The following TAFA2 variants were observed in gnomAD, a reference collection of about 807,000 sequenced individuals.
TAFA2 encodes the protein TAFA chemokine like family member 2.
Under a neutral mutation model 18.8 loss-of-function variants are expected in TAFA2, and 7 were observed. That is an observed-to-expected ratio of 0.37 (90% CI 0.21 to 0.70). The LOEUF (loss-of-function observed/expected upper bound fraction) is 0.70. TAFA2 is among the 30% of genes least tolerant of loss of function. The pLI, the probability that TAFA2 is intolerant of heterozygous loss-of-function variation, is 0.53. For synonymous variants in TAFA2, 60 were observed against 54.2 expected, an observed-to-expected ratio of 1.11 and a Z score of -0.47; for missense variants, 122 against 158.1, an observed-to-expected ratio of 0.77 and a Z score of 1.23.
chr12:61,881,096 C>T (rs1218366947), intron 1 of TAFA2, among the ~76,000 whole-genome samples: 2 of 151,696 alleles, frequency 1.3e-5, no homozygotes, highest in Admixed American at 6.6e-5. Flanking sequence ...ATAATTCCTA[C>T]TAAATTTTTT....
chr12:61,991,754 T>A (rs915190451), intron 1 of TAFA2, among the ~76,000 whole-genome samples: 1 of 152,192 alleles, frequency 6.6e-6, no homozygotes, highest in Non-Finnish European at 1.5e-5. Context: ...TCTCTTGAAC[T>A]TTCTCTAATT....
chr12:61,783,733 G>A (rs1185084783), intron 2 of TAFA2, among the ~76,000 whole-genome samples: 1 of 151,214 alleles, frequency 6.6e-6, no homozygotes, highest in East Asian at 2.0e-4. Flanking sequence ...TTAACTCATT[G>A]AAATTCTTAC....
intron 2 of TAFA2, among the ~76,000 whole-genome samples, chr12:61,851,774 C>CAAAAAAAAAAAAAAAAAAAAAAAAA (rs55651727): frequency 1.4e-4 from 2 of 14,500 alleles, no homozygotes; most frequent in Non-Finnish European, 1.7e-4. Flanking sequence ...GACTCCATCT[C>CAAAAAAAAAAAAAAAAAAAAAAAAA]AAAAAAAAAA....
intron 1 of TAFA2, among the ~76,000 whole-genome samples, chr12:62,162,447 T>G (rs981001442): frequency 1.3e-5 from 2 of 152,206 alleles, no homozygotes; most frequent in Non-Finnish European, 2.9e-5. Context: ...CCTGCTTAGC[T>G]ATATAAGACT....
At chr12:62,136,616 C>T (rs1043335505) in intron 1 of TAFA2, among the ~76,000 whole-genome samples, 6 of 152,060 alleles carry the variant, frequency 3.9e-5, no homozygotes, top group Non-Finnish European at 5.9e-5. Context: ...ACACTATATA[C>T]GCAGAGAAGT....
intron 1 of TAFA2, among the ~76,000 whole-genome samples, chr12:61,869,747 C>T (rs890832208): frequency 7.2e-5 from 11 of 152,100 alleles, no homozygotes; most frequent in Non-Finnish European, 1.2e-4. Flanking sequence ...TTAAATCTTC[C>T]GTTCTATTGC....
At chr12:62,220,651 G>C (rs1410963869) in intron 1 of TAFA2, among the ~76,000 whole-genome samples, 1 of 152,188 alleles carries the variant, frequency 6.6e-6, no homozygotes, top group Admixed American at 6.5e-5. Context: ...CCACTCTGGT[G>C]GGAGATGTTG....
chr12:61,855,152 T>C lies in TAFA2; in HGVS notation c.106+12168A>G, dbSNP rs117050825. ...TTCTTGTCTCAGTTTGTCTTGGCAA[T>C]AAGCTGATGACATTTTTGCTTTCTC... On this transcript the variant is annotated intron_variant, in intron 2 of 4. Transcript: ENST00000416284. Among the ~76,000 whole-genome samples the C allele has an allele frequency of 0.011, 1,626 of 152,298 alleles. 54 individuals are homozygous for C. The East Asian group carries it at 0.12, about 11-fold the overall frequency.
chr12:61,881,861 T>G (rs1247924909), intron 1 of TAFA2, among the ~76,000 whole-genome samples: 1 of 152,094 alleles, frequency 6.6e-6, no homozygotes, highest in Non-Finnish European at 1.5e-5. Flanking sequence ...GAAGCCATCT[T>G]ATTTCTGAGT....
At chr12:62,088,401 G>A (rs966073434) in intron 1 of TAFA2, among the ~76,000 whole-genome samples, 1 of 151,952 alleles carries the variant, frequency 6.6e-6, no homozygotes, top group African/African-American at 2.4e-5. Flanking sequence ...GCAATTCCCA[G>A]GAGACAGCAG....
chr12:61,727,601 T>C (rs1870230994), intron 4 of TAFA2, among the ~76,000 whole-genome samples: 1 of 152,066 alleles, frequency 6.6e-6, no homozygotes, highest in Admixed American at 6.6e-5. Context: ...TATTTGGATC[T>C]TCTCTTTTCT....
chr12:62,217,376 G>A (rs929634248), intron 1 of TAFA2, among the ~76,000 whole-genome samples: 1 of 152,124 alleles, frequency 6.6e-6, no homozygotes, highest in African/African-American at 2.4e-5. Context: ...GAAGTAAGGA[G>A]TTACACACCA....
At chr12:61,844,900 G>A (rs769941092) in intron 2 of TAFA2, among the ~76,000 whole-genome samples, 37 of 151,172 alleles carry the variant, frequency 2.4e-4, no homozygotes, top group Non-Finnish European at 4.0e-4. Flanking sequence ...TTGTGTGTGT[G>A]TATATATATA....
intron 1 of TAFA2, among the ~76,000 whole-genome samples, chr12:62,110,950 T>C (rs1054112002): frequency 1.3e-5 from 2 of 152,152 alleles, no homozygotes; most frequent in Non-Finnish European, 2.9e-5. Context: ...TCTGGATTCA[T>C]TGATTTTTTT....
chr12:62,077,706 A>G (rs998128861), intron 1 of TAFA2, among the ~76,000 whole-genome samples: 1 of 152,178 alleles, frequency 6.6e-6, no homozygotes, highest in South Asian at 2.1e-4. Context: ...AGTATTTTCC[A>G]GTATTGCCTG....
At chr12:61,990,130 G>C (rs1224420679) in intron 1 of TAFA2, among the ~76,000 whole-genome samples, 5 of 151,948 alleles carry the variant, frequency 3.3e-5, no homozygotes, top group Admixed American at 3.3e-4. Context: ...GCTAGTACTT[G>C]GAAGCCAATG....
At chr12:62,103,454 C>T (rs1396722813) in intron 1 of TAFA2, among the ~76,000 whole-genome samples, 1 of 152,126 alleles carries the variant, frequency 6.6e-6, no homozygotes, top group East Asian at 1.9e-4. Context: ...AGACTACATG[C>T]TTCCGGCCAG....
chr12:62,043,925 G>A (rs1461186942), intron 1 of TAFA2, among the ~76,000 whole-genome samples: 2 of 152,086 alleles, frequency 1.3e-5, no homozygotes, highest in Non-Finnish European at 2.9e-5. Flanking sequence ...AAACAAACGA[G>A]GGAAAGCACA....
chr12:62,002,626 G>A (rs748152264), intron 1 of TAFA2, among the ~76,000 whole-genome samples: 30 of 151,962 alleles, frequency 2.0e-4, no homozygotes, highest in Non-Finnish European at 3.7e-4. Flanking sequence ...TTAGCTCCTG[G>A]TTTACTATGA....
Sources: allele counts gnomAD v4.1 joint callset (sites outside exome capture counted in the v4.1 genomes callset), GRCh38; gene constraint gnomAD v4.1.1; transcripts MANE v1.5; gene names NCBI Gene and HGNC (gene_info 2026-07-23, HGNC 2026-07-21).